Variants in TRMT11 observed in about 807,000 individuals in gnomAD.
TRMT11 encodes tRNA (guanine(10)-N(2))-methyltransferase TRMT11.
In TRMT11, 53 loss-of-function variants were observed where a neutral mutation model predicts 62.8. The ratio of observed to expected loss-of-function variants is 0.84; its 90% CI spans 0.68 to 1.06. The LOEUF (loss-of-function observed/expected upper bound fraction) is 1.06. Ranked by LOEUF, TRMT11 falls within the 50% of genes least tolerant of loss-of-function variation. TRMT11 has a pLI of 0.00. For missense variants in TRMT11, 556 were observed against 553.4 expected (o/e 1.00, Z -0.05); for synonymous variants, 188 against 190.3 (o/e 0.99, Z 0.10).
In TRMT11 at chr6:125,998,606, A is replaced by G. The variant is rs750712133; in HGVS notation, c.444A>G (p.Val148=). Residue 148 remains valine (V), a synonymous_variant, in exon 6 of 13, where the codon GTA becomes GTG. Coordinates refer to ENST00000334379, the MANE Select transcript of TRMT11 (RefSeq NM_001031712.3). ...TGAATTTAAAGAAACCGCAACATGTATTTTCTGTTTTGGAGGATTATGGTT... is the reference window on the plus strand; with the variant it reads ...TGAATTTAAAGAAACCGCAACATGTGTTTTCTGTTTTGGAGGATTATGGTT... ...GKVNLKKPQH[V]FSVLEDYGLD... The G allele has an allele frequency of 1.9e-6, 3 of 1,613,344 alleles. No individual in the cohort carries two copies. The highest frequency in any genetic ancestry group is 1.7e-6 in the Non-Finnish European group (2 of 1,179,654).
Position 126,012,784 on chromosome 6 carries a change from C to T in TRMT11, c.939C>T (p.Ile313=). ...TTTTCTGTCTAGCTCCATATGGTATCAGAGAATCTACAAGAAGAACAGGTT... is the reference window on the plus strand; with the variant it reads ...TTTTCTGTCTAGCTCCATATGGTATTAGAGAATCTACAAGAAGAACAGGTT... ...DAIITDPPYG[I]RESTRRTGSQ... Residue 313 remains isoleucine, a synonymous_variant, in exon 10 of 13, where the codon ATC becomes ATT. Coordinates refer to ENST00000334379, the MANE Select transcript of TRMT11 (RefSeq NM_001031712.3). 1.2e-6 allele frequency: 2 copies of T among 1,613,418 alleles called. No individual in the cohort carries two copies. Among genetic ancestry groups the T allele is most frequent in the South Asian group, 1.1e-5 (1 of 91,052 alleles).
At chr6:126,242,444 C>T in the TRMT11 span, among the ~76,000 whole-genome samples, 1 of 152,148 alleles carries the variant, frequency 6.6e-6, no homozygotes, top group Non-Finnish European at 1.5e-5. Context: ...CTTTAAAGTT[C>T]ATATGGTACC....
the TRMT11 span, among the ~76,000 whole-genome samples, chr6:126,271,961 C>T: frequency 1.3e-5 from 2 of 152,068 alleles, no homozygotes; most frequent in African/African-American, 2.4e-5. Context: ...AGGAAAAGGA[C>T]GATTTTCATA....
At chr6:126,270,865 A>G in the TRMT11 span, among the ~76,000 whole-genome samples, 6 of 152,078 alleles carry the variant, frequency 3.9e-5, no homozygotes, top group African/African-American at 9.7e-5. Flanking sequence ...TACCCTTTCT[A>G]TGATTTTGTG....
chr6:126,223,408 A>C, the TRMT11 span, among the ~76,000 whole-genome samples: 1 of 150,986 alleles, frequency 6.6e-6, no homozygotes, highest in African/African-American at 2.5e-5. Context: ...GCAACAGAGC[A>C]AGACTCCGTC....
intron 21 of TRMT11, among the ~76,000 whole-genome samples, chr6:126,169,195 G>T (rs1030643329): frequency 6.6e-6 from 1 of 152,186 alleles, no homozygotes; most frequent in African/African-American, 2.4e-5. Flanking sequence ...TATTAAGGCA[G>T]GCCAGCTTTA....
At position 126,138,146 on chromosome 6, in the gene TRMT11, T is replaced by G. The variant is rs577017002; in HGVS notation, c.*1823+22291T>G. On this transcript the variant is annotated intron_variant and NMD_transcript_variant, in intron 21 of 22. Coordinates refer to the TRMT11 transcript ENST00000648977. ...CCCATCACAAAGAAAAGATAAATAT[T>G]TGAGTTGATGAATAGTTCAATTACT... 1.6e-3 allele frequency among the ~76,000 whole-genome samples: 238 copies of G among 152,072 alleles called. 1 individual carries two copies. The highest frequency in any genetic ancestry group is 5.5e-3 in the African/African-American group (230 of 41,538).
chr6:126,126,686 G>T (rs1007754945), intron 21 of TRMT11, among the ~76,000 whole-genome samples: 10 of 152,084 alleles, frequency 6.6e-5, no homozygotes, highest in Non-Finnish European at 5.9e-5. Flanking sequence ...CATTCTTCTA[G>T]TCCCATAAGC....
At chr6:126,018,026 T>C (rs2127970809) in intron 11 of TRMT11, among the ~76,000 whole-genome samples, 1 of 152,344 alleles carries the variant, frequency 6.6e-6, no homozygotes, top group South Asian at 2.1e-4. Context: ...AGTGTTTCTT[T>C]ATAAATGATG....
chr6:126,152,337 A>G (rs1034939918), intron 21 of TRMT11, among the ~76,000 whole-genome samples: 3 of 152,106 alleles, frequency 2.0e-5, no homozygotes, highest in Non-Finnish European at 4.4e-5. Context: ...TGAGAAAAAC[A>G]TGTGTGTTGA....
At chr6:126,055,375 C>T (rs980433794) in intron 17 of TRMT11, among the ~76,000 whole-genome samples, 1 of 152,194 alleles carries the variant, frequency 6.6e-6, no homozygotes, top group East Asian at 1.9e-4. Flanking sequence ...TCCCTGCCTG[C>T]TTCTCCTTCA....
the TRMT11 span, among the ~76,000 whole-genome samples, chr6:126,265,624 A>T: frequency 6.6e-6 from 1 of 151,936 alleles, no homozygotes; most frequent in Admixed American, 6.6e-5. Flanking sequence ...TACCTTTTTA[A>T]TGTATAATGT....
intron 21 of TRMT11, among the ~76,000 whole-genome samples, chr6:126,132,823 G>C (rs1036327477): frequency 6.6e-6 from 1 of 152,020 alleles, no homozygotes; most frequent in Non-Finnish European, 1.5e-5. Context: ...TTGTACTGTA[G>C]TAGAAGAGCT....
At chr6:126,182,500 C>G (rs1421874495) in intron 1 of TRMT11, among the ~76,000 whole-genome samples, 2 of 151,914 alleles carry the variant, frequency 1.3e-5, no homozygotes, top group East Asian at 1.9e-4. Flanking sequence ...CCTTAGTGGT[C>G]TCTTTTTGAG....
chr6:126,174,598 A>G (rs1409267727), upstream of TRMT11, among the ~76,000 whole-genome samples: 1 of 152,250 alleles, frequency 6.6e-6, no homozygotes, highest in Non-Finnish European at 1.5e-5. Flanking sequence ...CCTGGCAGTT[A>G]ATATAAATGC....
In TRMT11 at chr6:126,038,704, G is replaced by A. The variant is rs781712855; in HGVS notation, c.1261-1G>A. ...ACATTTTGTATTTTCCAACCAAACA[G>A]AATCGGGACCAGTATTCACATCTGC... is the stretch of plus-strand genomic sequence containing the variant. On this transcript the variant is annotated splice_acceptor_variant, in intron 12 of 12. Transcript: ENST00000334379. LOFTEE classifies it high-confidence loss of function. 50 of 1,548,252 alleles carry A rather than the reference G, an allele frequency of 3.2e-5. No homozygotes were observed. In the East Asian group the frequency reaches 1.2e-3, roughly 36 times the overall value.
chr6:126,160,822 C>G (rs1778181480), intron 21 of TRMT11, among the ~76,000 whole-genome samples: 1 of 152,146 alleles, frequency 6.6e-6, no homozygotes, highest in South Asian at 2.1e-4. Flanking sequence ...ATCTCCATCT[C>G]CAAACAATAA....
At chr6:126,195,813 G>A (rs1246147084) in intron 1 of TRMT11, among the ~76,000 whole-genome samples, 2 of 152,168 alleles carry the variant, frequency 1.3e-5, no homozygotes, top group South Asian at 2.1e-4. Context: ...AGTCAGCTTC[G>A]TGGCTCAGGG....
chr6:126,200,833 G>A (rs1326800593), intron 3 of TRMT11, among the ~76,000 whole-genome samples: 1 of 152,166 alleles, frequency 6.6e-6, no homozygotes, highest in Admixed American at 6.5e-5. Flanking sequence ...GATTACAGGC[G>A]TGACCCACCG....
Sources: allele counts gnomAD v4.1 joint callset (sites outside exome capture counted in the v4.1 genomes callset), GRCh38; gene constraint gnomAD v4.1.1; transcripts MANE v1.5; gene names NCBI Gene and HGNC (gene_info 2026-07-23, HGNC 2026-07-21).